Variants in POU2AF2 observed in about 807,000 individuals in gnomAD.
POU2AF2 encodes POU domain class 2-associating factor 2.
At chr11:111,267,123 T>C in the POU2AF2 span, among the ~76,000 whole-genome samples, 1 of 152,202 alleles carries the variant, frequency 6.6e-6, no homozygotes. Context: ...AGGACCTTCC[T>C]TTCCTACGAT....
the POU2AF2 span, among the ~76,000 whole-genome samples, chr11:111,260,531 A>G: frequency 6.6e-6 from 1 of 152,156 alleles, no homozygotes; most frequent in African/African-American, 2.4e-5. Flanking sequence ...TGAGAGAGAA[A>G]CACACACACC....
chr11:111,248,060 A>G, the POU2AF2 span, among the ~76,000 whole-genome samples: 1 of 150,882 alleles, frequency 6.6e-6, no homozygotes, highest in East Asian at 2.0e-4. Flanking sequence ...ATTTTTTTGT[A>G]TTTTTTTAGT....
chr11:111,247,406 G>T, the POU2AF2 span, among the ~76,000 whole-genome samples: 2 of 152,202 alleles, frequency 1.3e-5, no homozygotes, highest in African/African-American at 4.8e-5. Flanking sequence ...TACCTACAGT[G>T]TGGGCAAATC....
chr11:111,270,885 C>T, the POU2AF2 span, among the ~76,000 whole-genome samples: 1 of 152,148 alleles, frequency 6.6e-6, no homozygotes. Flanking sequence ...AATCCCAGCC[C>T]TACTGAGGGC....
the POU2AF2 span, among the ~76,000 whole-genome samples, chr11:111,264,577 G>GAAAGA: frequency 6.5e-4 from 15 of 22,954 alleles, 2 homozygotes; most frequent in African/African-American, 2.2e-3. Context: ...AGAAAGAAAG[G>GAAAGA]GAGAGAGAAA....
chr11:111,264,641 AAG>A, the POU2AF2 span, among the ~76,000 whole-genome samples: 1 of 137,744 alleles, frequency 7.3e-6, no homozygotes, highest in Non-Finnish European at 1.6e-5. Flanking sequence ...AAGAGAAAGA[AAG>A]AGAGAAAGAA....
chr11:111,261,062 CA>C, the POU2AF2 span, among the ~76,000 whole-genome samples: 3 of 152,166 alleles, frequency 2.0e-5, no homozygotes, highest in Non-Finnish European at 4.4e-5. Context: ...AGACTTTTAC[CA>C]AAGACTAGAA....
chr11:111,253,690 C>A, the POU2AF2 span, among the ~76,000 whole-genome samples: 1 of 152,218 alleles, frequency 6.6e-6, no homozygotes, highest in Non-Finnish European at 1.5e-5. Context: ...GCAAATCAAA[C>A]CAACATCACT....
the POU2AF2 span, among the ~76,000 whole-genome samples, chr11:111,251,047 C>T: frequency 7.2e-5 from 11 of 152,064 alleles, no homozygotes; most frequent in South Asian, 2.1e-4. Context: ...ATTGAACTTG[C>T]GTTTTCAAAG....
chr11:111,276,319 C>T, the POU2AF2 span, among the ~76,000 whole-genome samples: 4 of 150,814 alleles, frequency 2.7e-5, no homozygotes, highest in African/African-American at 4.9e-5. Context: ...AGATACTGGC[C>T]GGGCGCGGTG....
the POU2AF2 span, among the ~76,000 whole-genome samples, chr11:111,265,360 C>T: frequency 2.6e-5 from 4 of 152,158 alleles, no homozygotes; most frequent in African/African-American, 9.7e-5. Flanking sequence ...AACTGGCTAA[C>T]ATCTTGCCAT....
chr11:111,259,351 T>C, the POU2AF2 span, among the ~76,000 whole-genome samples: 4 of 150,494 alleles, frequency 2.7e-5, no homozygotes, highest in Non-Finnish European at 5.9e-5. Context: ...AATCTGGTTC[T>C]GTCGGCCAGG....
chr11:111,251,767 C>G, the POU2AF2 span, among the ~76,000 whole-genome samples: 1 of 152,246 alleles, frequency 6.6e-6, no homozygotes, highest in African/African-American at 2.4e-5. Context: ...ATTTCTCTCA[C>G]TAAAATAAGA....
At chr11:111,265,875 TA>T in the POU2AF2 span, among the ~76,000 whole-genome samples, 176 of 147,500 alleles carry the variant, frequency 1.2e-3, no homozygotes, top group Admixed American at 4.6e-3. Flanking sequence ...AGGAATAAAT[TA>T]AAAAAAAAAA....
At chr11:111,246,987 A>G in the POU2AF2 span, among the ~76,000 whole-genome samples, 1 of 152,044 alleles carries the variant, frequency 6.6e-6, no homozygotes, top group Admixed American at 6.6e-5. Context: ...AATCCTACCT[A>G]TGGTGACCAG....
chr11:111,262,225 A>C, the POU2AF2 span, among the ~76,000 whole-genome samples: 3 of 152,348 alleles, frequency 2.0e-5, no homozygotes, highest in East Asian at 1.9e-4. Context: ...AAGTATGACA[A>C]TAGTACGTAT....
At chr11:111,272,518 T>G in the POU2AF2 span, among the ~76,000 whole-genome samples, 2 of 152,284 alleles carry the variant, frequency 1.3e-5, no homozygotes, top group Non-Finnish European at 2.9e-5. Flanking sequence ...CAGACATTAG[T>G]TGTCACTAAA....
chr11:111,275,627 T>C, the POU2AF2 span, among the ~76,000 whole-genome samples: 4 of 152,118 alleles, frequency 2.6e-5, no homozygotes, highest in African/African-American at 7.2e-5. Context: ...TGAGTTTCAA[T>C]CAAAGATCAC....
chr11:111,257,462 C>T, the POU2AF2 span, among the ~76,000 whole-genome samples: 8 of 151,408 alleles, frequency 5.3e-5, no homozygotes, highest in Non-Finnish European at 8.8e-5. Flanking sequence ...CAGGTTCAAG[C>T]GATTCAAGCG....
Sources: gnomAD v4.1 joint callset for allele counts (sites outside exome capture counted in the v4.1 genomes callset) on GRCh38, gnomAD v4.1.1 for gene constraint, MANE v1.5 for transcripts, NCBI Gene and HGNC (gene_info 2026-07-23, HGNC 2026-07-21) for gene names.